MFAP5: variants seen among roughly 807,000 people sequenced by gnomAD.
MFAP5 encodes microfibril associated protein 5, also known as microfibrillar-associated protein 5.
Under a neutral mutation model 30.1 loss-of-function variants are expected in MFAP5, and 19 were observed. The observed-to-expected ratio is 0.63, with a 90% CI of 0.44 to 0.93. The LOEUF (loss-of-function observed/expected upper bound fraction) is 0.93. MFAP5 is among the 40% of genes least tolerant of loss of function. The probability of loss-of-function intolerance (pLI) is 0.00; values close to 1 mark genes in which losing one functional copy is unlikely to be tolerated. For synonymous variants in MFAP5, 92 were observed against 72.9 expected (o/e 1.26, Z -1.33); for missense variants, 210 against 221.3 (o/e 0.95, Z 0.32).
At chr12:8,658,031 T>G (rs1241944885) in intron 3 of MFAP5, among the ~76,000 whole-genome samples, 1 of 152,228 alleles carries the variant, frequency 6.6e-6, no homozygotes, top group Non-Finnish European at 1.5e-5. Flanking sequence ...TACCTCATCC[T>G]GTTTTCTAAA....
chr12:8,660,034 A>G (rs1942103239), intron 3 of MFAP5, among the ~76,000 whole-genome samples: 1 of 152,168 alleles, frequency 6.6e-6, no homozygotes, highest in East Asian at 1.9e-4. Context: ...AGTCGAAGGA[A>G]GTGGTCCTCT....
rs1484960231 is a variant in MFAP5, at chr12:8,647,382, A to G, written c.*709T>C. On this transcript the variant is annotated 3_prime_UTR_variant, in exon 10 of 10. Transcript: ENST00000359478. The stretch of plus-strand genomic sequence containing the variant: ...TACTTCCCGACTAGACAACTGCATG[A>G]AAAATTGGATAGCGAATTATGAGTC... 6.6e-6 allele frequency: 1 copy of G among 152,212 alleles called. No homozygotes were observed. The highest frequency in any genetic ancestry group is 2.4e-5 in the African/African-American group (1 of 41,452). The allele number at this position is 152,212 out of a possible 1,614,324, so 9.4% of individuals were successfully genotyped here.
At chr12:8,662,151 A>T in intron 1 of MFAP5, 45 bp from the exon 2 acceptor site, 1 of 1,550,470 alleles carries the variant, frequency 6.4e-7, no homozygotes, top group Admixed American at 1.7e-5. Context: ...GCTCAGAGGC[A>T]CATCAGCATT....
intron 3 of MFAP5, among the ~76,000 whole-genome samples, chr12:8,660,228 G>T (rs1181982356): frequency 3.7e-5 from 5 of 136,350 alleles, no homozygotes; most frequent in Non-Finnish European, 4.7e-5. Context: ...CCACTCTGTT[G>T]CCCAGGCTGG....
At chr12:8,656,415 GATT>G (rs766924024) in intron 3 of MFAP5, among the ~76,000 whole-genome samples, 5 of 129,420 alleles carry the variant, frequency 3.9e-5, no homozygotes, top group African/African-American at 3.0e-5. Context: ...AGGTAGTATT[GATT>G]TTTTTTTTTT....
chr12:8,659,910 A>AAT (rs1259368394), intron 3 of MFAP5, among the ~76,000 whole-genome samples: 7 of 152,204 alleles, frequency 4.6e-5, no homozygotes, highest in African/African-American at 1.7e-4. Context: ...TGATCCCATT[A>AAT]ATAGGTTGCC....
chr12:8,660,749 CTTTTTTT>C (rs35362262), intron 3 of MFAP5, 107 bp downstream of exon 3: 2 of 650,152 alleles, frequency 3.1e-6, no homozygotes, highest in Admixed American at 3.2e-5. Context: ...AGGAAATATT[CTTTTTTT>C]TTTTTTTTTG....
intron 9 of MFAP5, chr12:8,648,562 A>G: frequency 7.9e-7 from 1 of 1,269,372 alleles, no homozygotes; most frequent in Non-Finnish European, 1.0e-6. Flanking sequence ...GGATCTATTA[A>G]ATAGAAAAAT....
chr12:8,647,996 A>C lies in MFAP5; in HGVS notation c.*95T>G. ...CATTGCAAAAGGATTGGTTTAAGAA[A>C]TACTGTCTAAGGGTTAGCTGTCAAT... On this transcript the variant is annotated 3_prime_UTR_variant, in exon 10 of 10. Transcript: ENST00000359478. 1.1e-6 allele frequency: 1 copy of C among 877,682 alleles called. No individual in the cohort carries two copies. The highest frequency in any genetic ancestry group is 1.7e-6 in the Non-Finnish European group (1 of 572,556). 54.4% of individuals were successfully genotyped at this position (877,682 alleles called of 1,614,324 possible). A position where few individuals can be genotyped will look rare whatever the true frequency, so the allele number is the denominator to read the frequency against.
chr12:8,657,859 A>G (rs1942048749), intron 3 of MFAP5, among the ~76,000 whole-genome samples: 1 of 152,178 alleles, frequency 6.6e-6, no homozygotes, highest in African/African-American at 2.4e-5. Context: ...GGCATAAGCC[A>G]CCATGCCCGG....
chr12:8,660,993 T>G lies in MFAP5; in HGVS notation c.59-95A>C. The G allele has an allele frequency of 5.6e-6, 6 of 1,065,994 alleles. No individual in the cohort carries two copies. The South Asian group carries it at 8.9e-5, about 16-fold the overall frequency. The allele number at this position is 1,065,994 out of a possible 1,614,324, so 66.0% of individuals were successfully genotyped here. On this transcript the variant is annotated intron_variant, in intron 2 of 9. Transcript: ENST00000359478. ...AAATCAGAAAATCATGGAGAAATGG[T>G]TATACTTTATCTTTGTGACTTATTC... is the stretch of plus-strand genomic sequence containing the variant.
rs1002670480 is a variant in MFAP5, at chr12:8,648,198, G to A, written c.415C>T (p.Leu139Phe). Residue 139 changes from leucine to phenylalanine, a missense_variant, in exon 10 of 10, where the codon CTT (leucine) becomes TTT (phenylalanine). Coordinates refer to ENST00000359478, the MANE Select transcript of MFAP5 (RefSeq NM_003480.4). Reference sequence around the variant, plus strand: ...GGCAGACCAGCCATCTGACGGCAAAGCTCATCTAGAAGAGAAGCAGAACAT... The same window carrying A: ...GGCAGACCAGCCATCTGACGGCAAAACTCATCTAGAAGAGAAGCAGAACAT... Reference protein sequence around the residue: ...CKEHEAMKDELCRQMAGLPPR... With the variant: ...CKEHEAMKDEFCRQMAGLPPR... 5.6e-6 allele frequency: 9 copies of A among 1,612,062 alleles called. No individual in the cohort carries two copies. In the African/African-American group the frequency reaches 1.1e-4, roughly 19 times the overall value.
rs1941731957 is a variant in MFAP5, at chr12:8,648,109, C to T, written c.504G>A (p.Gln168=). 5.0e-6 allele frequency: 8 copies of T among 1,613,586 alleles called. No individual in the cohort carries two copies. The highest frequency in any genetic ancestry group is 6.8e-6 in the Non-Finnish European group (8 of 1,179,520). The change falls in exon 10 of 10, where the codon CAG becomes CAA. Residue 168 remains glutamine, a synonymous_variant. Coordinates refer to ENST00000359478, the MANE Select transcript of MFAP5 (RefSeq NM_003480.4). ...TCAATGATCACAGACCATTGGGTCTCTGCAAATCCACATTTTCACAGGGAG... is the reference window on the plus strand; with the variant it reads ...TCAATGATCACAGACCATTGGGTCTTTGCAAATCCACATTTTCACAGGGAG... The part of the protein sequence containing the change: ...RLPPCENVDL[Q]RPNGL
At chr12:8,662,497 T>C in intron 1 of MFAP5, 130 bp downstream of exon 1, 1 of 221,318 alleles carries the variant, frequency 4.5e-6, no homozygotes, top group Non-Finnish European at 9.0e-6. Flanking sequence ...ATTCCACGGT[T>C]ATTTGGGAGG....
At chr12:8,650,402 C>A in intron 8 of MFAP5, 100 bp downstream of exon 8, 1 of 1,178,372 alleles carries the variant, frequency 8.5e-7, no homozygotes, top group Admixed American at 1.8e-5. Context: ...ACTTTGGCCC[C>A]ATCAAAGTTT....
At chr12:8,651,183 A>G (rs1941829269) in intron 7 of MFAP5, among the ~76,000 whole-genome samples, 1 of 152,184 alleles carries the variant, frequency 6.6e-6, no homozygotes, top group South Asian at 2.1e-4. Context: ...ATAAAATAAA[A>G]TAAAACAAAA....
chr12:8,657,413 C>G (rs1239397047), intron 3 of MFAP5, among the ~76,000 whole-genome samples: 1 of 151,506 alleles, frequency 6.6e-6, no homozygotes, highest in East Asian at 1.9e-4. Context: ...GAGAGAAACC[C>G]TATCTCAAAA....
intron 2 of MFAP5, among the ~76,000 whole-genome samples, 169 bp downstream of exon 2, chr12:8,661,878 T>C (rs1042001460): frequency 6.6e-6 from 1 of 152,246 alleles, no homozygotes; most frequent in Admixed American, 6.5e-5. Context: ...GTCACATTCC[T>C]GAACTTTTTT....
In MFAP5 at chr12:8,648,376, GTTTC is replaced by G; in HGVS notation, c.410-177_410-174del. 1.1e-5 allele frequency: 10 copies of G among 938,036 alleles called. No individual in the cohort carries two copies. The South Asian group carries it at 1.6e-4, about 15-fold the overall frequency. 58.1% of individuals were successfully genotyped at this position (938,036 alleles called of 1,614,324 possible). A position where few individuals can be genotyped will look rare whatever the true frequency, so the allele number is the denominator to read the frequency against. Reference sequence around the variant, plus strand: ...TTAGTTATTTGCCACTTCCTAGAAAGTTTCTTAAATTTTATAAACCTCACTATCC... The same window carrying G: ...TTAGTTATTTGCCACTTCCTAGAAAGTTAAATTTTATAAACCTCACTATCC... On this transcript the variant is annotated intron_variant, in intron 9 of 9. Coordinates refer to ENST00000359478, the MANE Select transcript of MFAP5 (RefSeq NM_003480.4).
Sources: gnomAD v4.1 joint callset for allele counts (sites outside exome capture counted in the v4.1 genomes callset) on GRCh38, gnomAD v4.1.1 for gene constraint, MANE v1.5 for transcripts, NCBI Gene and HGNC (gene_info 2026-07-23, HGNC 2026-07-21) for gene names.